Variants in NEK3 observed in about 807,000 individuals in gnomAD.
The protein encoded by NEK3 is NIMA related kinase 3.
NEK3 carries 54 observed loss-of-function variants against 66.0 expected under a neutral mutation model. That is an observed-to-expected ratio of 0.82 (90% CI 0.66 to 1.03). The LOEUF is 1.03. Among genes scored for constraint, NEK3 ranks in the 50% least tolerant of loss-of-function variants. NEK3 has a pLI of 0.00. For synonymous variants in NEK3, 200 were observed against 206.2 expected, an observed-to-expected ratio of 0.97 and a Z score of 0.26; for missense variants, 593 against 603.0, an observed-to-expected ratio of 0.98 and a Z score of 0.17.
chr13:52,155,194 A>G (rs142054105), intron 2 of NEK3, among the ~76,000 whole-genome samples: 2 of 152,216 alleles, frequency 1.3e-5, no homozygotes, highest in African/African-American at 4.8e-5. Flanking sequence ...AGTCAAGAAT[A>G]CAGTGGGAAA....
chr13:52,147,977 C>A (rs1956308209), intron 8 of NEK3, among the ~76,000 whole-genome samples: 1 of 152,026 alleles, frequency 6.6e-6, no homozygotes, highest in Non-Finnish European at 1.5e-5. Flanking sequence ...GACTGGGCAA[C>A]AGAGCAAGAT....
At chr13:52,145,045 T>G (rs1008598013) in intron 8 of NEK3, among the ~76,000 whole-genome samples, 154 bp from the exon 9 acceptor site, 3 of 152,172 alleles carry the variant, frequency 2.0e-5, no homozygotes, top group Non-Finnish European at 4.4e-5. Context: ...TTATATAATC[T>G]TAAGGTGGCT....
At chr13:52,136,400 TCTAATCTAAGTAG>T in intron 12 of NEK3, 141 bp from the exon 13 acceptor site, 3 of 922,188 alleles carry the variant, frequency 3.3e-6, no homozygotes. Context: ...CAATGTTCTT[TCTAATCTAAGTAG>T]CAAAGGAAAT....
chr13:52,133,260 CA>C (rs1566847412), intron 15 of NEK3, 34 bp from the exon 16 acceptor site: 1 of 1,484,266 alleles, frequency 6.7e-7, no homozygotes. Context: ...TAAACCTCTA[CA>C]TTAGGGGCAC....
intron 4 of NEK3, 42 bp from the exon 5 acceptor site, chr13:52,152,734 C>T (rs745579381): frequency 3.1e-6 from 4 of 1,294,678 alleles, no homozygotes; most frequent in Non-Finnish European, 4.5e-6. Flanking sequence ...AATGCAGTAA[C>T]TGGCTCATGT....
intron 10 of NEK3, among the ~76,000 whole-genome samples, chr13:52,142,121 A>T (rs1013058366): frequency 6.6e-6 from 1 of 151,772 alleles, no homozygotes; most frequent in Admixed American, 6.6e-5. Flanking sequence ...TTTAAAAAAA[A>T]CCCTACATTC....
At chr13:52,155,957 C>T (rs1230342113) in intron 2 of NEK3, 118 bp downstream of exon 2, 2 of 574,278 alleles carry the variant, frequency 3.5e-6, no homozygotes, top group African/African-American at 3.8e-5. Context: ...ATCTACCCGC[C>T]TCCACCTCCC....
Position 52,133,823 on chromosome 13 carries a change from A to AGATATT in NEK3, c.1310-14_1310-9dup, listed in dbSNP as rs1956178956. The AGATATT allele has an allele frequency of 1.9e-6, 3 of 1,590,860 alleles. No homozygotes were observed. The East Asian group carries it at 6.8e-5, about 36-fold the overall frequency. On this transcript the variant is annotated splice_polypyrimidine_tract_variant and intron_variant, in intron 14 of 15. Transcript: ENST00000610828. ...TCAAGAACCCTTCTGAACCTTCAGGAGATATTAACAGAAAATATACCAATT... is the reference window on the plus strand; with the variant it reads ...TCAAGAACCCTTCTGAACCTTCAGGAGATATTGATATTAACAGAAAATATACCAATT...
intron 7 of NEK3, among the ~76,000 whole-genome samples, chr13:52,149,868 CAAA>C (rs76728379): frequency 1.5e-4 from 19 of 125,968 alleles, no homozygotes; most frequent in Non-Finnish European, 1.3e-4. Flanking sequence ...GACTCTGTCT[CAAA>C]AAAAAAAAAA....
intron 4 of NEK3, among the ~76,000 whole-genome samples, 162 bp from the exon 5 acceptor site, chr13:52,152,854 C>T (rs1956359167): frequency 1.3e-5 from 2 of 152,120 alleles, no homozygotes; most frequent in South Asian, 4.1e-4. Flanking sequence ...TTCAGTGTTA[C>T]TTGGAGAAAT....
chr13:52,144,083 T>A, intron 9 of NEK3, 96 bp from the exon 10 acceptor site: 1 of 718,776 alleles, frequency 1.4e-6, no homozygotes, highest in African/African-American at 1.8e-5. Flanking sequence ...TTTAGCACAA[T>A]AATATTTCAA....
In NEK3 at chr13:52,135,802, A is replaced by C. The variant is rs2296351; in HGVS notation, c.1236T>G (p.Pro412=). 556,255 of 1,613,036 alleles carry C rather than the reference A, an allele frequency of 0.34. 102,043 individuals carry two copies. The highest frequency in any genetic ancestry group is 0.38 in the Non-Finnish European group (449,924 of 1,179,212). ...TTRKQWLKET[P]DTLLNILKNA... ...TCTTAAGGATGTTCAACAAAGTGTC[A>C]GGGGTCTCTTTGAGCCACTGCTTAC... The change falls in exon 14 of 16, where the codon CCT becomes CCG. Residue 412 remains proline (P), a synonymous_variant. Coordinates refer to ENST00000610828, the MANE Select transcript of NEK3 (RefSeq NM_002498.3).
chr13:52,156,042 CT>C, intron 2 of NEK3, 32 bp downstream of exon 2: 1 of 1,397,322 alleles, frequency 7.2e-7, no homozygotes, highest in Non-Finnish European at 9.9e-7. Flanking sequence ...TGCATGTATA[CT>C]TTCAAAGTGA....
In NEK3 at chr13:52,136,268, A is replaced by G. The variant is rs942899660; in HGVS notation, c.1031-9T>C. ...ATGGACTGACTTATTACCTGATTTTAAAGTGTGAAAAAGGAATGCCAAGCA... is the reference window on the plus strand; with the variant it reads ...ATGGACTGACTTATTACCTGATTTTGAAGTGTGAAAAAGGAATGCCAAGCA... On this transcript the variant is annotated splice_polypyrimidine_tract_variant and intron_variant, in intron 12 of 15. Transcript: ENST00000610828. 1 of 1,613,304 alleles carries G rather than the reference A, an allele frequency of 6.2e-7. No individual in the cohort carries two copies. The highest frequency in any genetic ancestry group is 1.7e-5 in the Admixed American group (1 of 59,942).
rs760413933 is a variant in NEK3, at chr13:52,133,857, A to G, written c.1310-42T>C. 1.9e-6 allele frequency: 3 copies of G among 1,551,530 alleles called. No homozygotes were observed. The South Asian group carries it at 3.6e-5, about 18-fold the overall frequency. ...CAGAAAATATACCAATTTAAACAGT[A>G]TTTACTTATTTCATGCAGTTTGATT... On this transcript the variant is annotated intron_variant, in intron 14 of 15. Transcript: ENST00000610828.
In NEK3 at chr13:52,144,877, A is replaced by C. The variant is rs1332801576; in HGVS notation, c.618T>G (p.Ser206Arg). 3 of 1,602,356 alleles carry C rather than the reference A, an allele frequency of 1.9e-6. No homozygotes were observed. The African/African-American group carries it at 4.0e-5, about 21-fold the overall frequency. ...CTLKHPFQANSWKNLILKVCQ... is the reference protein window; with the variant it reads ...CTLKHPFQANRWKNLILKVCQ... Reference sequence around the variant, plus strand: ...ATACTTTGAGGATAAGATTTTTCCAACTATTTGCCTGAAACTGAAAAGGAA... The same window carrying C: ...ATACTTTGAGGATAAGATTTTTCCACCTATTTGCCTGAAACTGAAAAGGAA... The change falls in exon 9 of 16, where the codon AGT (serine) becomes AGG (arginine). Residue 206 changes from serine (S) to arginine (R), a missense_variant. Ser to Arg is a moderately radical substitution (Grantham distance 110). Transcript: ENST00000610828.
chr13:52,150,811 C>T (rs1956338516), intron 7 of NEK3, among the ~76,000 whole-genome samples: 2 of 152,138 alleles, frequency 1.3e-5, no homozygotes, highest in Admixed American at 1.3e-4. Flanking sequence ...AGTGTAGACG[C>T]AACCTGGGAT....
chr13:52,135,163 T>C (rs1032027483), intron 14 of NEK3, among the ~76,000 whole-genome samples: 3 of 152,086 alleles, frequency 2.0e-5, no homozygotes, highest in Non-Finnish European at 4.4e-5. Context: ...GAGAGTATTA[T>C]AAAAAAATTA....
chr13:52,138,378 C>G (rs969648204), intron 11 of NEK3, among the ~76,000 whole-genome samples: 6 of 152,032 alleles, frequency 3.9e-5, no homozygotes, highest in Non-Finnish European at 7.4e-5. Flanking sequence ...AATACCATCA[C>G]CAAAATTTAT....
Sources: allele counts gnomAD v4.1 joint callset (sites outside exome capture counted in the v4.1 genomes callset), GRCh38; gene constraint gnomAD v4.1.1; transcripts MANE v1.5; gene names NCBI Gene and HGNC (gene_info 2026-07-23, HGNC 2026-07-21).